Variants in MAP3K13 observed in about 807,000 individuals in gnomAD.
MAP3K13 encodes the protein leucine zipper-bearing kinase.
Under a neutral mutation model 104.0 loss-of-function variants are expected in MAP3K13, and 52 were observed. The ratio of observed to expected loss-of-function variants is 0.50; its 90% CI spans 0.40 to 0.63. The LOEUF is 0.63. Ranked by LOEUF, MAP3K13 falls within the 20% of genes least tolerant of loss-of-function variation. MAP3K13 has a pLI of 0.00. For missense variants in MAP3K13, 914 were observed against 1,218.5 expected (o/e 0.75, Z 3.72); for synonymous variants, 394 against 442.2 (o/e 0.89, Z 1.37).
chr3:185,461,761 C>T (rs1014358644), intron 7 of MAP3K13, among the ~76,000 whole-genome samples: 4 of 152,038 alleles, frequency 2.6e-5, no homozygotes, highest in Non-Finnish European at 5.9e-5. Flanking sequence ...CAGGGTTTCA[C>T]CATGTTGGCC....
At position 185,315,345 on chromosome 3, in the gene MAP3K13, A is replaced by C. The variant is rs554645495; in HGVS notation, c.-86+29702A>C. 6.6e-6 allele frequency among the ~76,000 whole-genome samples: 1 copy of C among 152,192 alleles called. No homozygotes were observed. The highest frequency in any genetic ancestry group is 1.5e-5 in the Non-Finnish European group (1 of 68,030). On this transcript the variant is annotated intron_variant, in intron 2 of 14. Coordinates refer to the MAP3K13 transcript ENST00000424227. The surrounding 1 kb of genome is among the most constrained non-coding windows in gnomAD (Gnocchi z 4.3). ...AACCACCCTAGAGGAGTAACTTAAC[A>C]AAAAGGGGAGAGAATGTATGTGTGT...
intron 1 of MAP3K13, among the ~76,000 whole-genome samples, chr3:185,404,298 G>A (rs755204739): frequency 1.3e-5 from 2 of 152,210 alleles, no homozygotes; most frequent in Non-Finnish European, 2.9e-5. Context: ...GCAGAAAATA[G>A]CATTGTAAGA....
At chr3:185,305,533 C>T (rs553221813) in intron 2 of MAP3K13, among the ~76,000 whole-genome samples, 8 of 151,820 alleles carry the variant, frequency 5.3e-5, no homozygotes, top group Non-Finnish European at 1.2e-4. Context: ...ATTTATGTGC[C>T]ATCATTACAG....
Position 185,454,361 on chromosome 3 carries a change from T to G in MAP3K13, c.1278+2966T>G, listed in dbSNP as rs187494699. ...ATATATATGAGATATATGAGATATA[T>G]ATGAGATATATATATGAGATATATG... On this transcript the variant is annotated intron_variant, in intron 7 of 13. Transcript: ENST00000265026. Among the ~76,000 whole-genome samples, 18 of 114,810 alleles carry G rather than the reference T, an allele frequency of 1.6e-4. 2 individuals carry two copies. Among genetic ancestry groups the G allele is most frequent in the African/African-American group, 5.1e-4 (15 of 29,544 alleles). The allele number at this position is 114,810 out of a possible 152,430, so 75.3% of individuals were successfully genotyped here.
At chr3:185,350,598 GTATGC>G (rs1364973852) in intron 2 of MAP3K13, among the ~76,000 whole-genome samples, 2 of 152,052 alleles carry the variant, frequency 1.3e-5, no homozygotes, top group African/African-American at 4.8e-5. Context: ...ATACTATATG[GTATGC>G]TAGTATTTTC....
chr3:185,295,767 C>T (rs569383115), intron 2 of MAP3K13, among the ~76,000 whole-genome samples: 1 of 152,178 alleles, frequency 6.6e-6, no homozygotes, highest in South Asian at 2.1e-4. Context: ...TACAAGACAA[C>T]CTTCAGGAGG....
At chr3:185,415,568 G>C (rs1325734607) in intron 1 of MAP3K13, among the ~76,000 whole-genome samples, 1 of 144,852 alleles carries the variant, frequency 6.9e-6, no homozygotes. Context: ...AAACCAGAAG[G>C]GTTAATTTCT....
intron 10 of MAP3K13, among the ~76,000 whole-genome samples, chr3:185,472,179 T>C (rs1717835859): frequency 6.6e-6 from 1 of 151,730 alleles, no homozygotes; most frequent in Admixed American, 6.6e-5. Context: ...GTGGGCTTCG[T>C]CTTCAACATC....
intron 1 of MAP3K13, among the ~76,000 whole-genome samples, chr3:185,367,653 G>A (rs1269189990): frequency 1.3e-5 from 2 of 151,568 alleles, no homozygotes; most frequent in Non-Finnish European, 2.9e-5. Flanking sequence ...CTGGAATATG[G>A]TGGCTTGATC....
intron 7 of MAP3K13, among the ~76,000 whole-genome samples, chr3:185,457,912 G>C (rs1716860382): frequency 1.3e-5 from 2 of 152,116 alleles, no homozygotes; most frequent in South Asian, 4.1e-4. Context: ...TTCATACTGT[G>C]TGGTCTTGGC....
rs961656353 is a variant in MAP3K13, at chr3:185,465,997, G to T, written c.1505+134G>T. On this transcript the variant is annotated intron_variant, in intron 9 of 13. Transcript: ENST00000265026. Reference sequence around the variant, plus strand: ...ATTCACCCAACATTCCTTCCGGGATGTGCTATGCACAGGTCCCTGCCCCTG... The same window carrying T: ...ATTCACCCAACATTCCTTCCGGGATTTGCTATGCACAGGTCCCTGCCCCTG... 4.2e-6 allele frequency: 3 copies of T among 718,770 alleles called. No homozygotes were observed. The African/African-American group carries it at 5.2e-5, about 12-fold the overall frequency. The allele number at this position is 718,770 out of a possible 1,614,324, so 44.5% of individuals were successfully genotyped here. A position where few individuals can be genotyped will look rare whatever the true frequency, so the allele number is the denominator to read the frequency against.
chr3:185,284,004 T>A (rs996569720), intron 1 of MAP3K13, among the ~76,000 whole-genome samples: 2 of 151,174 alleles, frequency 1.3e-5, no homozygotes, highest in African/African-American at 4.9e-5. Context: ...GTTCAAGTGA[T>A]TCTCCTCCCT....
chr3:185,400,270 T>C (rs922482198), intron 1 of MAP3K13, among the ~76,000 whole-genome samples: 1 of 152,192 alleles, frequency 6.6e-6, no homozygotes, highest in Non-Finnish European at 1.5e-5. Context: ...ACCCTGCCCC[T>C]CTGGATGATA....
At chr3:185,413,548 G>A (rs529448588) in intron 1 of MAP3K13, among the ~76,000 whole-genome samples, 87 of 152,262 alleles carry the variant, frequency 5.7e-4, no homozygotes, top group African/African-American at 1.8e-3. Context: ...GGGGCTGGGC[G>A]CGGTGGTTCA....
intron 2 of MAP3K13, among the ~76,000 whole-genome samples, chr3:185,342,607 T>G (rs1560056221): frequency 6.6e-6 from 1 of 152,246 alleles, no homozygotes; most frequent in Non-Finnish European, 1.5e-5. Flanking sequence ...GTTATGTTAC[T>G]CACTATTATT....
At chr3:185,338,968 G>A (rs1722617713) in intron 2 of MAP3K13, among the ~76,000 whole-genome samples, 1 of 152,018 alleles carries the variant, frequency 6.6e-6, no homozygotes, top group Non-Finnish European at 1.5e-5. Flanking sequence ...CACAAAAGGT[G>A]GAAACAAAAT....
At chr3:185,391,924 G>T (rs139956044) in intron 1 of MAP3K13, among the ~76,000 whole-genome samples, 2 of 152,122 alleles carry the variant, frequency 1.3e-5, no homozygotes, top group Non-Finnish European at 2.9e-5. Flanking sequence ...GGGTGCGGGT[G>T]GGGGAGGTGA....
chr3:185,397,742 T>C (rs763583182), intron 1 of MAP3K13, among the ~76,000 whole-genome samples: 10 of 152,066 alleles, frequency 6.6e-5, no homozygotes, highest in South Asian at 2.1e-4. Context: ...GGATGTCTTA[T>C]TGTTAGAAGA....
chr3:185,462,812 C>T (rs570205017), intron 7 of MAP3K13, among the ~76,000 whole-genome samples: 143 of 152,220 alleles, frequency 9.4e-4, no homozygotes, highest in African/African-American at 3.3e-3. Flanking sequence ...TTTTTTAAAG[C>T]AGTCATTCAA....
Sources: gnomAD v4.1 joint callset for allele counts (sites outside exome capture counted in the v4.1 genomes callset) on GRCh38, gnomAD v4.1.1 for gene constraint, Gnocchi (gnomAD v3.1) non-coding constraint, MANE v1.5 for transcripts, NCBI Gene and HGNC (gene_info 2026-07-23, HGNC 2026-07-21) for gene names.